Variants in SEMA3E observed in about 807,000 individuals in gnomAD.
The protein encoded by SEMA3E is semaphorin-3E.
In SEMA3E, 49 loss-of-function variants were observed where a neutral mutation model predicts 93.6. The ratio of observed to expected loss-of-function variants is 0.52; its 90% CI spans 0.42 to 0.66. The LOEUF (loss-of-function observed/expected upper bound fraction) is 0.66, where lower values mean the gene tolerates loss of function less well. Ranked by LOEUF, SEMA3E falls within the 30% of genes least tolerant of loss-of-function variation. The pLI is 0.00. For missense variants in SEMA3E, 906 were observed against 964.8 expected (o/e 0.94, Z 0.81); for synonymous variants, 363 against 330.7 (o/e 1.10, Z -1.06).
intron 16 of SEMA3E, among the ~76,000 whole-genome samples, chr7:83,380,819 C>G (rs1295195657): frequency 6.6e-6 from 1 of 151,842 alleles, no homozygotes; most frequent in Non-Finnish European, 1.5e-5. Context: ...TTCAAAACAC[C>G]AATTGCAGAC....
At chr7:83,515,293 GAAAA>G (rs5885363) in intron 1 of SEMA3E, among the ~76,000 whole-genome samples, 1 of 135,200 alleles carries the variant, frequency 7.4e-6, no homozygotes, top group Non-Finnish European at 1.6e-5. Context: ...CTTTTCTTAT[GAAAA>G]AAAAAAAAAA....
Position 83,392,483 on chromosome 7 carries a change from TAAAAAA to T in SEMA3E, c.1667+66_1667+71del, listed in dbSNP as rs58582279. The T allele has an allele frequency of 3.0e-3, 4,359 of 1,453,598 alleles. 1 individual carries two copies. The highest frequency in any genetic ancestry group is 3.3e-3 in the Non-Finnish European group (3,526 of 1,063,076). The allele number at this position is 1,453,598 out of a possible 1,614,324, so 90.0% of individuals were successfully genotyped here. A position where few individuals can be genotyped will look rare whatever the true frequency, so the allele number is the denominator to read the frequency against. On this transcript the variant is annotated intron_variant, in intron 14 of 16. Transcript: ENST00000643230. ...AGGTATTTTCTGGAAAACTTCAAGT[TAAAAAA>T]AAAAAAAAAAAAGCATTAGGGTTTT... is the stretch of plus-strand genomic sequence containing the variant.
At position 83,407,317 on chromosome 7, in the gene SEMA3E, A is replaced by G. The variant is rs565907071; in HGVS notation, c.671-78T>C. The G allele has an allele frequency of 4.9e-5, 59 of 1,195,438 alleles. 1 individual carries two copies. The East Asian group carries it at 1.2e-3, about 25-fold the overall frequency. The allele number at this position is 1,195,438 out of a possible 1,614,324, so 74.1% of individuals were successfully genotyped here. On this transcript the variant is annotated intron_variant, in intron 6 of 16. Coordinates refer to ENST00000643230, the MANE Select transcript of SEMA3E (RefSeq NM_012431.3). ...CTAACAAGTTATTCCAATAAATTGT[A>G]TATCATCTGAATCCTTAAGTTTAAC...
intron 1 of SEMA3E, among the ~76,000 whole-genome samples, chr7:83,590,536 T>C (rs180856946): frequency 2.0e-5 from 3 of 152,316 alleles, no homozygotes; most frequent in African/African-American, 7.2e-5. Context: ...ATTGATCATT[T>C]AAAGCAAATT....
At position 83,379,466 on chromosome 7, in the gene SEMA3E, T is replaced by G. The variant is rs189023282; in HGVS notation, c.1875+5828A>C. On this transcript the variant is annotated intron_variant, in intron 16 of 16. Transcript: ENST00000643230. ...GTTACTACATATAAAGCACTTAGAA[T>G]AGCATGGCATATAGTAAGCACTAAA... Among the ~76,000 whole-genome samples the G allele has an allele frequency of 3.5e-4, 53 of 152,046 alleles. No homozygotes were observed. In the East Asian group the frequency reaches 9.7e-3, roughly 28 times the overall value.
At chr7:83,467,430 T>G (rs1418815844) in intron 3 of SEMA3E, among the ~76,000 whole-genome samples, 1 of 152,228 alleles carries the variant, frequency 6.6e-6, no homozygotes, top group Non-Finnish European at 1.5e-5. Flanking sequence ...GAGAGAATTG[T>G]TAAGTAAATA....
chr7:83,367,873 T>C lies in SEMA3E; in HGVS notation c.2041A>G (p.Met681Val), dbSNP rs774452522. The C allele has an allele frequency of 2.5e-6, 4 of 1,611,610 alleles. No homozygotes were observed. Among genetic ancestry groups the C allele is most frequent in the Non-Finnish European group, 3.4e-6 (4 of 1,178,244 alleles). ...TCCTCCTCATCGTCCTTGTTAAACA[T>C]ATCCTCGACTTTCTCCTCTTCCACT... is the stretch of plus-strand genomic sequence containing the variant. ...EVVEEEKVED[M>V]FNKDDEEDRH... Residue 681 changes from methionine to valine, a missense_variant, in exon 17 of 17, where the codon ATG becomes GTG. Physicochemically the swap from Met to Val is conservative, Grantham distance 21. Transcript: ENST00000643230.
intron 1 of SEMA3E, among the ~76,000 whole-genome samples, chr7:83,554,110 A>G (rs1048112415): frequency 6.6e-6 from 1 of 152,190 alleles, no homozygotes; most frequent in Non-Finnish European, 1.5e-5. Context: ...TCATAGTTAC[A>G]TATTTAAAAT....
chr7:83,516,006 G>A (rs2191530), intron 1 of SEMA3E, among the ~76,000 whole-genome samples: 71,699 of 151,896 alleles, frequency 0.47, 17,697 homozygotes, highest in South Asian at 0.64. Context: ...GAGCCTGGGC[G>A]ACAGAGTAAG....
chr7:83,405,443 T>A lies in SEMA3E; in HGVS notation c.998+7A>T. ...TATTGTTTTTATTGACTGTATAAAT[T>A]TCTCACCTGGTAGTGTTAAAGAGTC... is the stretch of plus-strand genomic sequence containing the variant. On this transcript the variant is annotated splice_region_variant and intron_variant, in intron 9 of 16. Coordinates refer to ENST00000643230, the MANE Select transcript of SEMA3E (RefSeq NM_012431.3). 5.0e-6 allele frequency: 8 copies of A among 1,603,788 alleles called. No homozygotes were observed. Among genetic ancestry groups the A allele is most frequent in the Non-Finnish European group, 6.8e-6 (8 of 1,170,986 alleles).
At chr7:83,436,210 A>G (rs929698846) in intron 4 of SEMA3E, among the ~76,000 whole-genome samples, 2 of 151,944 alleles carry the variant, frequency 1.3e-5, no homozygotes, top group Admixed American at 6.6e-5. Context: ...GCATACATAT[A>G]AAACGTGTGT....
chr7:83,648,354 A>G, intron 1 of SEMA3E, 74 bp downstream of exon 1: 5 of 1,186,118 alleles, frequency 4.2e-6, no homozygotes, highest in Non-Finnish European at 6.1e-6. Context: ...TGTTAATGTT[A>G]AACGACTTTT....
chr7:83,502,467 T>C (rs888664718), intron 1 of SEMA3E, among the ~76,000 whole-genome samples: 2 of 152,114 alleles, frequency 1.3e-5, no homozygotes, highest in Non-Finnish European at 2.9e-5. Context: ...GCTTTAGAGT[T>C]TGGCCTGGAC....
intron 4 of SEMA3E, among the ~76,000 whole-genome samples, chr7:83,433,636 T>G (rs1788934562): frequency 6.6e-6 from 1 of 152,152 alleles, no homozygotes; most frequent in African/African-American, 2.4e-5. Flanking sequence ...GAAATATTAG[T>G]ACATTCTGTG....
At chr7:83,529,274 A>C (rs1791232853) in intron 1 of SEMA3E, among the ~76,000 whole-genome samples, 1 of 152,068 alleles carries the variant, frequency 6.6e-6, no homozygotes, top group East Asian at 1.9e-4. Context: ...ACTGTACTTC[A>C]GTTATTGTGT....
intron 2 of SEMA3E, among the ~76,000 whole-genome samples, chr7:83,473,027 C>T (rs13438047): frequency 0.02 from 3,082 of 152,284 alleles, 59 homozygotes; most frequent in African/African-American, 0.051. Flanking sequence ...AATTAAACCT[C>T]TTTCCTTTAA....
At chr7:83,511,766 G>A (rs1790825715) in intron 1 of SEMA3E, among the ~76,000 whole-genome samples, 1 of 151,996 alleles carries the variant, frequency 6.6e-6, no homozygotes, top group South Asian at 2.1e-4. Flanking sequence ...ATGGTGGTGG[G>A]TGCCTGTAAT....
At chr7:83,385,899 T>A (rs1787870201) in intron 15 of SEMA3E, among the ~76,000 whole-genome samples, 1 of 152,160 alleles carries the variant, frequency 6.6e-6, no homozygotes, top group Non-Finnish European at 1.5e-5. Flanking sequence ...TGGGCTGCTG[T>A]AGTGAGAAGA....
intron 1 of SEMA3E, among the ~76,000 whole-genome samples, chr7:83,572,197 AT>A (rs56192493): frequency 3.6e-5 from 5 of 140,346 alleles, no homozygotes; most frequent in Non-Finnish European, 6.0e-5. Flanking sequence ...TACCAACATA[AT>A]TTTTTTTTGC....
Sources: allele counts gnomAD v4.1 joint callset (sites outside exome capture counted in the v4.1 genomes callset), GRCh38; gene constraint gnomAD v4.1.1; transcripts MANE v1.5; gene names NCBI Gene and HGNC (gene_info 2026-07-23, HGNC 2026-07-21).